Variants in RICTOR observed in about 807,000 individuals in gnomAD.
RICTOR encodes the protein rapamycin-insensitive companion of mTOR.
RICTOR carries 49 observed loss-of-function variants against 214.9 expected under a neutral mutation model. The observed-to-expected ratio is 0.23, with a 90% CI of 0.18 to 0.29. The LOEUF (loss-of-function observed/expected upper bound fraction) is 0.29. Ranked by LOEUF, RICTOR falls within the 10% of genes least tolerant of loss-of-function variation. The pLI is 1.00. For synonymous variants in RICTOR, 717 were observed against 711.3 expected (o/e 1.01, Z -0.13); for missense variants, 1,625 against 2,047.0 (o/e 0.79, Z 3.98).
intron 2 of RICTOR, among the ~76,000 whole-genome samples, chr5:39,049,669 C>A: frequency 6.9e-6 from 1 of 144,866 alleles, no homozygotes; most frequent in African/African-American, 2.5e-5. Context: ...AGATCCATGA[C>A]AGAATAGGAA....
chr5:38,973,086 T>G (rs1002575641), intron 10 of RICTOR, among the ~76,000 whole-genome samples: 6 of 152,062 alleles, frequency 3.9e-5, no homozygotes, highest in African/African-American at 1.4e-4. Context: ...ATAATGGTGG[T>G]TCCTTCTTAG....
At chr5:38,953,400 T>C in intron 28 of RICTOR, 61 bp downstream of exon 28, 2 of 709,950 alleles carry the variant, frequency 2.8e-6, no homozygotes, top group South Asian at 2.3e-5. Context: ...TTAGTATAAA[T>C]GAAAAAAAAA....
chr5:38,962,682 C>T, intron 17 of RICTOR, 96 bp from the exon 18 acceptor site: 1 of 813,178 alleles, frequency 1.2e-6, no homozygotes, highest in Non-Finnish European at 1.9e-6. Context: ...GCAGCTTTTC[C>T]ATTTAAGGAT....
rs1403461343 is a variant in RICTOR at position 38,963,049 on chromosome 5, G to A, written c.1401-8C>T. Reference sequence around the variant, plus strand: ...AAGGCTGCACTGGCTCGCCTAATGAGAAAAACAATTCAATCAATACAGTAG... The same window carrying A: ...AAGGCTGCACTGGCTCGCCTAATGAAAAAAACAATTCAATCAATACAGTAG... On this transcript the variant is annotated splice_region_variant and splice_polypyrimidine_tract_variant and intron_variant, in intron 16 of 37. Coordinates refer to ENST00000357387, the MANE Select transcript of RICTOR (RefSeq NM_152756.5). The A allele has an allele frequency of 2.1e-5, 34 of 1,598,696 alleles. No individual in the cohort carries two copies. The highest frequency in any genetic ancestry group is 2.8e-5 in the Non-Finnish European group (33 of 1,171,792).
rs1579841124 is a variant in RICTOR at position 38,940,725 on chromosome 5, G to A, written c.*1579C>T. On this transcript the variant is annotated 3_prime_UTR_variant, in exon 38 of 38. Transcript: ENST00000357387. ...TCAAAGAGGTGTTATGAAGTGAGAT[G>A]AAATGCTTCATCCCAACTGGAACTT... 4.3e-6 allele frequency: 1 copy of A among 232,688 alleles called. No individual in the cohort carries two copies. Among genetic ancestry groups the A allele is most frequent in the East Asian group, 6.1e-5 (1 of 16,388 alleles). 14.4% of individuals were successfully genotyped at this position (232,688 alleles called of 1,614,324 possible).
At position 38,962,553 on chromosome 5, in the gene RICTOR, C is replaced by T; in HGVS notation, c.1600G>A (p.Asp534Asn). The part of the protein sequence containing the change: ...TEEALLINLR[D>N]SQVLQHKENL... ...TCTTTATGTTGAAGGACTTGGCTAT[C>T]TCTAAGGTTAATTAAAAGAGCTTCC... The change falls in exon 18 of 38, where the codon GAT (aspartate) becomes AAT (asparagine). Residue 534 changes from aspartate (D) to asparagine (N), a missense_variant. Asp to Asn is a conservative substitution (Grantham distance 23). This residue lies in a region of RICTOR where 1,214 missense variants were observed against 1,470.5 expected (regional missense o/e 0.83). Coordinates refer to ENST00000357387, the MANE Select transcript of RICTOR (RefSeq NM_152756.5). The T allele has an allele frequency of 6.3e-7, 1 of 1,576,826 alleles. No homozygotes were observed.
chr5:38,974,840 G>A (rs2150047974), intron 10 of RICTOR, among the ~76,000 whole-genome samples: 1 of 152,164 alleles, frequency 6.6e-6, no homozygotes, highest in South Asian at 2.1e-4. Flanking sequence ...TTTAAGTTAG[G>A]GTTACCTAGG....
chr5:38,957,808 T>A, intron 24 of RICTOR, 78 bp from the exon 25 acceptor site: 1 of 764,992 alleles, frequency 1.3e-6, no homozygotes, highest in South Asian at 1.7e-5. Flanking sequence ...AACTAAAATT[T>A]AAAAAAGTAT....
chr5:39,065,977 T>C (rs1477950410), intron 2 of RICTOR, among the ~76,000 whole-genome samples: 27 of 152,216 alleles, frequency 1.8e-4, no homozygotes. Context: ...TGGAGGATGG[T>C]AGGCCCCTTC....
At chr5:39,031,554 T>C (rs1028644082) in intron 2 of RICTOR, among the ~76,000 whole-genome samples, 2 of 152,206 alleles carry the variant, frequency 1.3e-5, no homozygotes, top group Non-Finnish European at 2.9e-5. Flanking sequence ...CCTCTCTTTC[T>C]TCTAATCCAA....
chr5:38,958,900 T>C (rs565274397), intron 22 of RICTOR, 69 bp from the exon 23 acceptor site: 391 of 1,133,462 alleles, frequency 3.4e-4, no homozygotes, highest in Non-Finnish European at 4.5e-4. Context: ...TGATTTTATT[T>C]TGGGATAGTC....
At chr5:39,017,876 T>G (rs1755085656) in intron 3 of RICTOR, among the ~76,000 whole-genome samples, 1 of 152,126 alleles carries the variant, frequency 6.6e-6, no homozygotes, top group African/African-American at 2.4e-5. Context: ...GACTCTTTAT[T>G]GAACTGTAGA....
chr5:39,038,029 T>C (rs1312868814), intron 2 of RICTOR, among the ~76,000 whole-genome samples: 1 of 152,184 alleles, frequency 6.6e-6, no homozygotes, highest in Non-Finnish European at 1.5e-5. Flanking sequence ...AGGAGAATTT[T>C]AGACCAATAT....
chr5:38,974,306 T>A (rs1751025809), intron 10 of RICTOR, among the ~76,000 whole-genome samples: 1 of 149,642 alleles, frequency 6.7e-6, no homozygotes, highest in Non-Finnish European at 1.5e-5. Context: ...CACCTTAGCA[T>A]GAGCGACTGC....
chr5:39,003,238 C>T (rs184633021), intron 4 of RICTOR, among the ~76,000 whole-genome samples: 2 of 152,156 alleles, frequency 1.3e-5, no homozygotes, highest in Admixed American at 6.5e-5. Context: ...TTAGGTAAGA[C>T]CTAGAGTTAT....
At chr5:38,974,601 G>A (rs1420180617) in intron 10 of RICTOR, among the ~76,000 whole-genome samples, 2 of 151,918 alleles carry the variant, frequency 1.3e-5, no homozygotes, top group Non-Finnish European at 2.9e-5. Flanking sequence ...CAAAGTACTG[G>A]GGAGCTGATG....
chr5:39,043,306 T>G (rs1561055752), intron 2 of RICTOR, among the ~76,000 whole-genome samples: 1 of 152,230 alleles, frequency 6.6e-6, no homozygotes. Context: ...TACTCAGCCA[T>G]TAAAAAAATA....
At chr5:39,020,556 T>C (rs1391213701) in intron 3 of RICTOR, among the ~76,000 whole-genome samples, 1 of 152,216 alleles carries the variant, frequency 6.6e-6, no homozygotes, top group Non-Finnish European at 1.5e-5. Flanking sequence ...AAAAACATAA[T>C]GCTATTGCAC....
chr5:39,051,507 G>A (rs1757842879), intron 2 of RICTOR, among the ~76,000 whole-genome samples: 1 of 152,182 alleles, frequency 6.6e-6, no homozygotes, highest in Non-Finnish European at 1.5e-5. Context: ...CCAGCACTTT[G>A]GGAGGCGAGG....
Sources: allele counts gnomAD v4.1 joint callset (sites outside exome capture counted in the v4.1 genomes callset), GRCh38; gene constraint gnomAD v4.1.1; regional missense constraint gnomAD v4.1.1; transcripts MANE v1.5; gene names NCBI Gene and HGNC (gene_info 2026-07-23, HGNC 2026-07-21).